RSPH14: variants seen among roughly 807,000 people sequenced by gnomAD.
RSPH14 encodes rhabdoid tumor deletion region gene 1.
In RSPH14, 20 loss-of-function variants were observed where a neutral mutation model predicts 26.7. The ratio of observed to expected loss-of-function variants is 0.75; its 90% CI spans 0.53 to 1.09. The LOEUF is 1.09. Ranked by LOEUF, RSPH14 falls within the 50% of genes least tolerant of loss-of-function variation. The probability of loss-of-function intolerance (pLI) is 0.00; values close to 1 mark genes in which losing one functional copy is unlikely to be tolerated. For synonymous variants in RSPH14, 177 were observed against 189.3 expected (o/e 0.93, Z 0.53); for missense variants, 449 against 457.2 (o/e 0.98, Z 0.16).
At chr22:23,172,773 ACC>A in the RSPH14 span, among the ~76,000 whole-genome samples, 1 of 149,624 alleles carries the variant, frequency 6.7e-6, no homozygotes, top group Non-Finnish European at 1.5e-5. Context: ...ACACGGTGAA[ACC>A]CCATCTCTAC....
upstream of RSPH14, chr22:23,145,451 T>C (rs747751020): frequency 1.9e-6 from 3 of 1,610,498 alleles, no homozygotes; most frequent in African/African-American, 4.0e-5. Flanking sequence ...ACGATTCGTG[T>C]AGCCCGCAGG....
At chr22:23,127,247 C>G (rs1396906960) in intron 4 of RSPH14, among the ~76,000 whole-genome samples, 1 of 152,174 alleles carries the variant, frequency 6.6e-6, no homozygotes, top group Admixed American at 6.5e-5. Flanking sequence ...CTGGACCTCA[C>G]CCTGGATGAG....
the RSPH14 span, among the ~76,000 whole-genome samples, chr22:23,173,631 TTTTTG>T: frequency 3.1e-5 from 4 of 127,410 alleles, no homozygotes; most frequent in Non-Finnish European, 4.9e-5. Context: ...GGTTTTTTGT[TTTTTG>T]TTTTTTTTTT....
chr22:23,139,335 C>T (rs2070546980), intron 2 of RSPH14, among the ~76,000 whole-genome samples: 1 of 152,232 alleles, frequency 6.6e-6, no homozygotes, highest in East Asian at 1.9e-4. Flanking sequence ...AAAAATCCAG[C>T]TTTGGCCAGG....
chr22:23,102,149 G>C (rs5996467), intron 4 of RSPH14, among the ~76,000 whole-genome samples: 52,838 of 152,150 alleles, frequency 0.35, 10,047 homozygotes, highest in African/African-American at 0.51. Context: ...CATTGCCCAG[G>C]ACTCAGCCTT....
chr22:23,153,636 C>A, the RSPH14 span: 1 of 984,980 alleles, frequency 1.0e-6, no homozygotes, highest in South Asian at 4.7e-5. Flanking sequence ...TCGTCTTCCT[C>A]CTCACACTGC....
At chr22:23,129,068 G>A (rs1037673021) in intron 4 of RSPH14, among the ~76,000 whole-genome samples, 7 of 152,114 alleles carry the variant, frequency 4.6e-5, no homozygotes, top group African/African-American at 7.2e-5. Context: ...AAGGTCACAC[G>A]CTGGTAAGAA....
intron 4 of RSPH14, among the ~76,000 whole-genome samples, chr22:23,074,990 G>A (rs1317966137): frequency 6.6e-6 from 1 of 152,186 alleles, no homozygotes; most frequent in Admixed American, 6.5e-5. Flanking sequence ...CAACATGTAA[G>A]AGCCTGTCTC....
chr22:23,070,485 G>C (rs888345641), intron 4 of RSPH14: 2 of 150,234 alleles, frequency 1.3e-5, no homozygotes, highest in Non-Finnish European at 3.0e-5. Flanking sequence ...TACGGAACGA[G>C]GGCGCCGCGG....
At chr22:23,133,606 T>C (rs569030982) in intron 4 of RSPH14, among the ~76,000 whole-genome samples, 1 of 152,254 alleles carries the variant, frequency 6.6e-6, no homozygotes, top group South Asian at 2.1e-4. Context: ...TTTTTTTGTC[T>C]TAAGACAGAG....
rs2068051438 is a variant in RSPH14 at position 23,059,725 on chromosome 22, GCCA to G, written c.791-10_791-8del. ...TCCAGGGCCGCATACTTCCCTGCAG[GCCA>G]CCAACACAAGGCGTTCCAAACAGCC... is the stretch of plus-strand genomic sequence containing the variant. On this transcript the variant is annotated splice_polypyrimidine_tract_variant and splice_region_variant and intron_variant, in intron 6 of 6. Transcript: ENST00000216036. 1 of 1,514,582 alleles carries G rather than the reference GCCA, an allele frequency of 6.6e-7. No homozygotes were observed. Among genetic ancestry groups the G allele is most frequent in the African/African-American group, 1.4e-5 (1 of 72,000 alleles). 93.8% of individuals were successfully genotyped at this position (1,514,582 alleles called of 1,614,324 possible).
At chr22:23,076,143 G>T (rs1290668104) in intron 4 of RSPH14, among the ~76,000 whole-genome samples, 21 of 152,216 alleles carry the variant, frequency 1.4e-4, no homozygotes, top group Admixed American at 1.4e-3. Flanking sequence ...GACAGGGCTG[G>T]TGGGGCCTCT....
chr22:23,075,202 T>C (rs2068479252), intron 4 of RSPH14, among the ~76,000 whole-genome samples: 1 of 152,130 alleles, frequency 6.6e-6, no homozygotes, highest in African/African-American at 2.4e-5. Context: ...CCCACAGCAT[T>C]TCTCCTCCCT....
the RSPH14 span, among the ~76,000 whole-genome samples, chr22:23,155,720 A>C: frequency 5.3e-5 from 8 of 152,240 alleles, no homozygotes; most frequent in Non-Finnish European, 8.8e-5. Context: ...CCATCCAGGC[A>C]GCAGAACAAC....
At chr22:23,107,195 G>T (rs926425995) in intron 4 of RSPH14, among the ~76,000 whole-genome samples, 1 of 152,166 alleles carries the variant, frequency 6.6e-6, no homozygotes, top group Non-Finnish European at 1.5e-5. Context: ...ATAGTTGCAG[G>T]GGGGAGGGGG....
At chr22:23,116,002 C>T (rs1035433638) in intron 4 of RSPH14, among the ~76,000 whole-genome samples, 2 of 152,240 alleles carry the variant, frequency 1.3e-5, no homozygotes, top group African/African-American at 2.4e-5. Flanking sequence ...AGGTGCCGCG[C>T]ATGTGCCAGA....
chr22:23,099,235 A>C (rs906014932), intron 4 of RSPH14, among the ~76,000 whole-genome samples: 8 of 152,254 alleles, frequency 5.3e-5, no homozygotes, highest in Non-Finnish European at 1.0e-4. Flanking sequence ...GGCTGCAGTG[A>C]GTGCAGGGCA....
chr22:23,075,398 G>T (rs11704956), intron 4 of RSPH14, among the ~76,000 whole-genome samples: 2,400 of 152,290 alleles, frequency 0.016, 70 homozygotes, highest in South Asian at 0.13. Flanking sequence ...TGGACCCTTG[G>T]GCAAGAGGCA....
At chr22:23,175,074 A>T in the RSPH14 span, among the ~76,000 whole-genome samples, 12 of 145,890 alleles carry the variant, frequency 8.2e-5, no homozygotes, top group South Asian at 2.6e-3. Context: ...TTGGCTCACT[A>T]CAAGCTCCGC....
Sources: allele counts gnomAD v4.1 joint callset (sites outside exome capture counted in the v4.1 genomes callset), GRCh38; gene constraint gnomAD v4.1.1; transcripts MANE v1.5; gene names NCBI Gene and HGNC (gene_info 2026-07-23, HGNC 2026-07-21).